CSMD3: variants seen among roughly 807,000 people sequenced by gnomAD.
The protein encoded by CSMD3 is CUB and Sushi multiple domains 3, also known as CUB and sushi domain-containing protein 3.
Under a neutral mutation model 435.2 loss-of-function variants are expected in CSMD3, and 177 were observed. The observed-to-expected ratio is 0.41, with a 90% CI of 0.36 to 0.46. The LOEUF (loss-of-function observed/expected upper bound fraction) is 0.46. CSMD3 is among the 20% of genes least tolerant of loss of function. CSMD3 has a pLI of 0.34. For synonymous variants in CSMD3, 1,656 were observed against 1,520.5 expected (o/e 1.09, Z -2.07); for missense variants, 4,265 against 4,504.6 (o/e 0.95, Z 1.52).
intron 2 of CSMD3, among the ~76,000 whole-genome samples, chr8:113,283,341 A>C (rs556525418): frequency 6.6e-6 from 1 of 152,274 alleles, no homozygotes; most frequent in East Asian, 1.9e-4. Context: ...TACATCTGAC[A>C]AAGGACTAAT....
chr8:112,602,082 T>C (rs1832399986), intron 22 of CSMD3, among the ~76,000 whole-genome samples: 1 of 152,174 alleles, frequency 6.6e-6, no homozygotes, highest in Admixed American at 6.6e-5. Context: ...CAATTTTTAA[T>C]GAAATGATAA....
chr8:112,984,289 A>T (rs2085166822), intron 6 of CSMD3, among the ~76,000 whole-genome samples: 1 of 152,026 alleles, frequency 6.6e-6, no homozygotes, highest in Non-Finnish European at 1.5e-5. Context: ...AGAGAATATA[A>T]GTAAAAAAGA....
At position 112,679,001 on chromosome 8, in the gene CSMD3, A is replaced by C. The variant is rs2075826196; in HGVS notation, c.2677+3441T>G. On this transcript the variant is annotated intron_variant, in intron 16 of 70. Coordinates refer to ENST00000297405, the MANE Select transcript of CSMD3 (RefSeq NM_198123.2). Reference sequence around the variant, plus strand: ...AGACTGTCTACAGAAAAAAGGAGACAGGAGGAGTAGCCTCCCAACCATAGT... The same window carrying C: ...AGACTGTCTACAGAAAAAAGGAGACCGGAGGAGTAGCCTCCCAACCATAGT... Among the ~76,000 whole-genome samples the C allele has an allele frequency of 2.6e-5, 4 of 151,734 alleles. No individual in the cohort carries two copies. The South Asian group carries it at 8.3e-4, about 31-fold the overall frequency.
chr8:113,130,549 G>A (rs1430206131), intron 4 of CSMD3, among the ~76,000 whole-genome samples: 1 of 152,078 alleles, frequency 6.6e-6, no homozygotes, highest in Non-Finnish European at 1.5e-5. Context: ...TTAAGCCTGT[G>A]GTACTGTGAG....
chr8:112,431,842 G>C (rs1163184163), intron 32 of CSMD3, among the ~76,000 whole-genome samples: 1 of 152,064 alleles, frequency 6.6e-6, no homozygotes, highest in Non-Finnish European at 1.5e-5. Context: ...CCAAAAATGG[G>C]ATAGACAATA....
intron 22 of CSMD3, among the ~76,000 whole-genome samples, chr8:112,621,099 G>A (rs185827515): frequency 2.3e-3 from 357 of 152,200 alleles, no homozygotes; most frequent in African/African-American, 8.2e-3. Flanking sequence ...GCTGGGTGTG[G>A]TGGCACATGC....
intron 41 of CSMD3, among the ~76,000 whole-genome samples, chr8:112,345,148 ATTAG>A: frequency 6.6e-6 from 1 of 152,192 alleles, no homozygotes; most frequent in East Asian, 1.9e-4. Context: ...GGGAATAAAT[ATTAG>A]TACAGACATT....
intron 13 of CSMD3, among the ~76,000 whole-genome samples, chr8:112,793,242 G>A (rs2078739259): frequency 6.8e-6 from 1 of 146,312 alleles, no homozygotes; most frequent in Admixed American, 6.9e-5. Flanking sequence ...TAAGACACAG[G>A]TGCTAAGATA....
At chr8:112,411,936 A>C (rs1185644634) in intron 32 of CSMD3, among the ~76,000 whole-genome samples, 1 of 152,106 alleles carries the variant, frequency 6.6e-6, no homozygotes. Context: ...AAATTGGGTT[A>C]CTTGTGTTAA....
At chr8:113,292,622 G>A (rs144785819) in intron 2 of CSMD3, among the ~76,000 whole-genome samples, 171 of 151,908 alleles carry the variant, frequency 1.1e-3, no homozygotes, top group African/African-American at 3.9e-3. Flanking sequence ...TGGAGAATTT[G>A]AAATATGCTT....
chr8:112,871,337 A>G (rs2130049006), intron 10 of CSMD3, among the ~76,000 whole-genome samples: 1 of 152,322 alleles, frequency 6.6e-6, no homozygotes, highest in Non-Finnish European at 1.5e-5. Context: ...AAGTTTTAAA[A>G]AATGTTTTCC....
chr8:112,421,698 T>C (rs1363464329), intron 32 of CSMD3, among the ~76,000 whole-genome samples: 1 of 148,190 alleles, frequency 6.7e-6, no homozygotes, highest in African/African-American at 2.5e-5. Context: ...TACCTATATA[T>C]ATATATTGCC....
intron 31 of CSMD3, among the ~76,000 whole-genome samples, chr8:112,481,145 C>G (rs1819589382): frequency 6.6e-6 from 1 of 151,994 alleles, no homozygotes; most frequent in Non-Finnish European, 1.5e-5. Context: ...CTGAAAATAC[C>G]ACTTTGAGCA....
At chr8:113,046,454 T>A (rs1299120497) in intron 5 of CSMD3, among the ~76,000 whole-genome samples, 1 of 150,500 alleles carries the variant, frequency 6.6e-6, no homozygotes, top group East Asian at 1.9e-4. Context: ...TGTCTCCCTC[T>A]GAGAGTTCTG....
intron 59 of CSMD3, among the ~76,000 whole-genome samples, chr8:112,270,347 T>A (rs1225635093): frequency 1.7e-4 from 3 of 17,150 alleles, no homozygotes; most frequent in Non-Finnish European, 3.7e-4. Flanking sequence ...GGGGTGAGTG[T>A]GTGTGTGTGT....
At chr8:112,486,265 G>T (rs920779609) in intron 31 of CSMD3, among the ~76,000 whole-genome samples, 1 of 151,916 alleles carries the variant, frequency 6.6e-6, no homozygotes, top group Non-Finnish European at 1.5e-5. Flanking sequence ...TGGTTCTGGA[G>T]ATATAAAAAG....
intron 1 of CSMD3, among the ~76,000 whole-genome samples, chr8:113,346,395 C>T (rs774594679): frequency 6.6e-6 from 1 of 152,022 alleles, no homozygotes; most frequent in Non-Finnish European, 1.5e-5. Flanking sequence ...TCTGGAATGG[C>T]AGTTCAAAAA....
chr8:112,741,258 C>A (rs1043228287), intron 13 of CSMD3, among the ~76,000 whole-genome samples: 3 of 151,840 alleles, frequency 2.0e-5, no homozygotes, highest in Non-Finnish European at 4.4e-5. Flanking sequence ...ACTCCTACAA[C>A]TCAATAGCAA....
At chr8:113,187,646 C>T (rs964453484) in intron 3 of CSMD3, among the ~76,000 whole-genome samples, 5 of 151,840 alleles carry the variant, frequency 3.3e-5, no homozygotes, top group African/African-American at 1.2e-4. Flanking sequence ...TGAGTTTTGC[C>T]TTTTGTTTTT....
Sources: gnomAD v4.1 joint callset for allele counts (sites outside exome capture counted in the v4.1 genomes callset) on GRCh38, gnomAD v4.1.1 for gene constraint, MANE v1.5 for transcripts, NCBI Gene and HGNC (gene_info 2026-07-23, HGNC 2026-07-21) for gene names.